Variants in PCDH15 observed in about 807,000 individuals in gnomAD.
PCDH15 encodes the protein protocadherin-15.
Under a neutral mutation model 178.5 loss-of-function variants are expected in PCDH15, and 129 were observed. The observed-to-expected ratio is 0.72, with a 90% CI of 0.63 to 0.84. PCDH15 has a LOEUF of 0.84. PCDH15 is among the 40% of genes least tolerant of loss of function. The pLI, the probability that PCDH15 is intolerant of heterozygous loss-of-function variation, is 0.00. For synonymous variants in PCDH15, 800 were observed against 732.0 expected (o/e 1.09, Z -1.50); for missense variants, 2,230 against 2,099.9 (o/e 1.06, Z -1.21).
intron 2 of PCDH15, among the ~76,000 whole-genome samples, chr10:54,998,218 A>G (rs1169523580): frequency 6.6e-6 from 1 of 152,144 alleles, no homozygotes; most frequent in Non-Finnish European, 1.5e-5. Flanking sequence ...CTTTTAAAAA[A>G]TATATAGAAT....
At chr10:54,911,496 G>T (rs1313016283) in intron 2 of PCDH15, among the ~76,000 whole-genome samples, 3 of 152,118 alleles carry the variant, frequency 2.0e-5, no homozygotes, top group African/African-American at 7.2e-5. Context: ...TACAATAAAT[G>T]AATGATAAAA....
At chr10:54,198,342 G>A (rs2049880585) in intron 10 of PCDH15, among the ~76,000 whole-genome samples, 1 of 151,822 alleles carries the variant, frequency 6.6e-6, no homozygotes, top group African/African-American at 2.4e-5. Flanking sequence ...TGGTCCATAT[G>A]GGCTTCCAAC....
intron 3 of PCDH15, among the ~76,000 whole-genome samples, chr10:54,384,525 A>C (rs1306373706): frequency 6.6e-6 from 1 of 152,112 alleles, no homozygotes; most frequent in Admixed American, 6.5e-5. Context: ...AGATTGAAAG[A>C]ATTGATTAAG....
At chr10:55,493,740 G>A (rs1473965374) in intron 2 of PCDH15, among the ~76,000 whole-genome samples, 2 of 151,812 alleles carry the variant, frequency 1.3e-5, no homozygotes, top group African/African-American at 2.4e-5. Context: ...CAGCTGACCT[G>A]CCTTATAAAA....
intron 2 of PCDH15, among the ~76,000 whole-genome samples, chr10:54,964,136 T>C (rs544242720): frequency 1.3e-5 from 2 of 152,300 alleles, no homozygotes; most frequent in South Asian, 4.1e-4. Context: ...CTTGGTACTA[T>C]CTGGAAGCCC....
intron 2 of PCDH15, among the ~76,000 whole-genome samples, chr10:55,571,195 C>CT (rs1842402314): frequency 1.3e-5 from 2 of 152,012 alleles, no homozygotes; most frequent in African/African-American, 4.8e-5. Context: ...CTTGCTCTCT[C>CT]TTTTGCCATG....
intron 2 of PCDH15, among the ~76,000 whole-genome samples, chr10:54,982,214 T>C (rs74674873): frequency 0.049 from 7,448 of 152,244 alleles, 245 homozygotes; most frequent in East Asian, 0.1. Flanking sequence ...TTGAACATTA[T>C]TGAACTCCTC....
intron 3 of PCDH15, among the ~76,000 whole-genome samples, chr10:54,382,047 C>A (rs908162621): frequency 6.6e-6 from 1 of 152,000 alleles, no homozygotes; most frequent in Admixed American, 6.6e-5. Flanking sequence ...TAATAAAAAT[C>A]AAAACAATCA....
At chr10:54,777,485 G>A (rs1295522915) in intron 1 of PCDH15, among the ~76,000 whole-genome samples, 1 of 152,166 alleles carries the variant, frequency 6.6e-6, no homozygotes, top group Non-Finnish European at 1.5e-5. Context: ...CTGGGTTAGA[G>A]GAGGATTTCA....
chr10:53,923,273 A>G (rs2084167610), intron 25 of PCDH15, among the ~76,000 whole-genome samples: 1 of 152,188 alleles, frequency 6.6e-6, no homozygotes, highest in South Asian at 2.1e-4. Context: ...TACATAGGGG[A>G]CTAATTAGGT....
In PCDH15 at chr10:54,269,915, T is replaced by C. The variant is rs1488789964; in HGVS notation, c.877-32984A>G. On this transcript the variant is annotated intron_variant, in intron 8 of 37. Transcript: ENST00000644397. Reference sequence around the variant, plus strand: ...TATATAAAATGTTAAATGATACACATAATAAATTTCTAAGTAGTAATTATG... The same window carrying C: ...TATATAAAATGTTAAATGATACACACAATAAATTTCTAAGTAGTAATTATG... 7.2e-5 allele frequency among the ~76,000 whole-genome samples: 11 copies of C among 152,048 alleles called. No homozygotes were observed. The South Asian group carries it at 2.3e-3, about 31-fold the overall frequency.
In PCDH15 at chr10:54,442,225, G is replaced by A. The variant is rs553223124; in HGVS notation, c.158-63283C>T. Among the ~76,000 whole-genome samples the A allele has an allele frequency of 2.0e-5, 3 of 150,556 alleles. No homozygotes were observed. In the East Asian group the frequency reaches 6.0e-4, roughly 30 times the overall value. ...GTATAAAAGGCCAGGGGTGTAGTGA[G>A]GGTAAAGTGTAAGTACTTTGATCTT... On this transcript the variant is annotated intron_variant, in intron 3 of 37. Transcript: ENST00000644397.
chr10:54,866,643 T>C (rs923212042), intron 3 of PCDH15, among the ~76,000 whole-genome samples: 1 of 152,174 alleles, frequency 6.6e-6, no homozygotes, highest in African/African-American at 2.4e-5. Context: ...ATTAATTTCT[T>C]TTCTTTTTAA....
intron 1 of PCDH15, among the ~76,000 whole-genome samples, chr10:55,318,190 G>A (rs1015393810): frequency 6.6e-5 from 10 of 151,714 alleles, no homozygotes; most frequent in Non-Finnish European, 1.0e-4. Context: ...TTTAACCCTC[G>A]GAAAAAAGAA....
chr10:55,415,563 G>A (rs112847252), intron 2 of PCDH15, among the ~76,000 whole-genome samples: 1,891 of 151,668 alleles, frequency 0.012, 50 homozygotes, highest in African/African-American at 0.044. Flanking sequence ...TGCTAAACAA[G>A]GGTCACCAAT....
At chr10:54,226,180 G>T (rs1029981819) in intron 9 of PCDH15, among the ~76,000 whole-genome samples, 1 of 152,190 alleles carries the variant, frequency 6.6e-6, no homozygotes, top group Non-Finnish European at 1.5e-5. Flanking sequence ...ACAGTTCCAC[G>T]TGGCTGGAGC....
intron 13 of PCDH15, among the ~76,000 whole-genome samples, chr10:54,178,273 T>C (rs1011249347): frequency 5.9e-5 from 9 of 152,088 alleles, no homozygotes; most frequent in Non-Finnish European, 1.5e-5. Context: ...CAGAGTATAT[T>C]CTATACAAGA....
intron 1 of PCDH15, among the ~76,000 whole-genome samples, chr10:55,204,028 T>C (rs951706197): frequency 6.6e-6 from 1 of 151,744 alleles, no homozygotes; most frequent in Admixed American, 6.6e-5. Flanking sequence ...CTGTGCAACA[T>C]AGTGAGATCC....
rs185902690 is a variant in PCDH15, at chr10:53,807,023, A to G, written c.4779T>C (p.Pro1593=). ...TGCCGTTGATATTACTGTGGATACT[A>G]GGATGGTGAAGACGGTTTCTCTGAC... ...PECQRNRLHH[P]SIHSNINGNI... Residue 1593 remains proline, a synonymous_variant, in exon 38 of 38, where the codon CCT becomes CCC. Coordinates refer to ENST00000644397, the MANE Select transcript of PCDH15 (RefSeq NM_001384140.1). The G allele has an allele frequency of 1.2e-6, 2 of 1,613,766 alleles. No homozygotes were observed. The highest frequency in any genetic ancestry group is 2.7e-5 in the African/African-American group (2 of 75,016).
Sources: gnomAD v4.1 joint callset for allele counts (sites outside exome capture counted in the v4.1 genomes callset) on GRCh38, gnomAD v4.1.1 for gene constraint, MANE v1.5 for transcripts, NCBI Gene and HGNC (gene_info 2026-07-23, HGNC 2026-07-21) for gene names.